SPAG16: variants seen among roughly 807,000 people sequenced by gnomAD.
SPAG16 encodes sperm associated antigen 16.
In SPAG16, 86 loss-of-function variants were observed where a neutral mutation model predicts 80.4. The observed-to-expected ratio is 1.07, with a 90% CI of 0.90 to 1.28. The LOEUF (loss-of-function observed/expected upper bound fraction) is 1.28, where lower values mean the gene tolerates loss of function less well. Among genes scored for constraint, SPAG16 ranks in the 50% most tolerant of loss-of-function variants. The pLI is 0.00. For missense variants in SPAG16, 870 were observed against 765.3 expected (o/e 1.14, Z -1.61); for synonymous variants, 294 against 265.9 (o/e 1.11, Z -1.03).
intron 10 of SPAG16, among the ~76,000 whole-genome samples, chr2:213,755,337 A>T (rs564342224): frequency 6.6e-6 from 1 of 152,354 alleles, no homozygotes; most frequent in East Asian, 1.9e-4. Context: ...GTTTTGACTG[A>T]TATCATGTTA....
intron 9 of SPAG16, among the ~76,000 whole-genome samples, chr2:213,460,132 T>C (rs971558272): frequency 1.3e-5 from 2 of 152,246 alleles, no homozygotes; most frequent in African/African-American, 4.8e-5. Flanking sequence ...TCCATTCCTG[T>C]CTACATCTAC....
At chr2:213,755,542 G>T (rs971654770) in intron 10 of SPAG16, among the ~76,000 whole-genome samples, 9 of 152,062 alleles carry the variant, frequency 5.9e-5, no homozygotes, top group Non-Finnish European at 1.3e-4. Flanking sequence ...CACTTTTTTT[G>T]TGAAAGATAA....
intron 12 of SPAG16, among the ~76,000 whole-genome samples, chr2:213,987,921 G>A (rs965263246): frequency 6.7e-6 from 1 of 149,552 alleles, no homozygotes; most frequent in African/African-American, 2.4e-5. Context: ...TTATAAAATA[G>A]ATAAAATGTA....
chr2:214,395,469 C>A (rs1443124205), intron 15 of SPAG16, among the ~76,000 whole-genome samples: 1 of 152,136 alleles, frequency 6.6e-6, no homozygotes, highest in Non-Finnish European at 1.5e-5. Context: ...TATGCTTATT[C>A]ACCATCTGTC....
intron 15 of SPAG16, among the ~76,000 whole-genome samples, chr2:214,344,008 A>G (rs1354873196): frequency 6.6e-6 from 1 of 152,162 alleles, no homozygotes; most frequent in Non-Finnish European, 1.5e-5. Flanking sequence ...TCTTACCTTA[A>G]TAATGATGGG....
intron 9 of SPAG16, among the ~76,000 whole-genome samples, chr2:213,473,641 C>T (rs1453102377): frequency 6.6e-6 from 1 of 152,116 alleles, no homozygotes; most frequent in Non-Finnish European, 1.5e-5. Flanking sequence ...ACTACTAGAA[C>T]CTTTTTTACT....
At chr2:214,147,545 T>C (rs554019672) in intron 14 of SPAG16, among the ~76,000 whole-genome samples, 26 of 152,342 alleles carry the variant, frequency 1.7e-4, no homozygotes, top group African/African-American at 6.2e-4. Context: ...TCTCAGATCA[T>C]TGAAAGCCCT....
intron 1 of SPAG16, among the ~76,000 whole-genome samples, chr2:213,289,470 T>TA (rs2062186028): frequency 6.6e-6 from 1 of 152,236 alleles, no homozygotes; most frequent in East Asian, 1.9e-4. Flanking sequence ...GTATAGGATA[T>TA]TAATAAGAAT....
chr2:213,991,354 A>C (rs1475356762), intron 12 of SPAG16, among the ~76,000 whole-genome samples: 1 of 152,146 alleles, frequency 6.6e-6, no homozygotes, highest in African/African-American at 2.4e-5. Context: ...ATGGCTGCAT[A>C]GTACTCCATG....
At chr2:214,251,476 A>T (rs188735523) in intron 15 of SPAG16, among the ~76,000 whole-genome samples, 4 of 152,234 alleles carry the variant, frequency 2.6e-5, no homozygotes, top group Admixed American at 2.6e-4. Flanking sequence ...AGTAATAAAA[A>T]TTATCAATAA....
At position 214,410,387 on chromosome 2, in the gene SPAG16, C is replaced by G. The variant is rs1207763889; in HGVS notation, c.*72C>G. Reference sequence around the variant, plus strand: ...AATGCCTCCTGTAGTCCCAAACCAGCAAAGAACTGGTTAAATGTGCCAGCA... The same window carrying G: ...AATGCCTCCTGTAGTCCCAAACCAGGAAAGAACTGGTTAAATGTGCCAGCA... On this transcript the variant is annotated 3_prime_UTR_variant, in exon 16 of 16. Transcript: ENST00000331683. The G allele has an allele frequency of 7.1e-7, 1 of 1,399,136 alleles. No individual in the cohort carries two copies. Among genetic ancestry groups the G allele is most frequent in the Non-Finnish European group, 9.8e-7 (1 of 1,025,300 alleles). The allele number at this position is 1,399,136 out of a possible 1,614,324, so 86.7% of individuals were successfully genotyped here.
At chr2:213,587,929 A>G (rs2060527172) in intron 10 of SPAG16, among the ~76,000 whole-genome samples, 2 of 152,220 alleles carry the variant, frequency 1.3e-5, no homozygotes, top group African/African-American at 2.4e-5. Context: ...TCTTTGGGTC[A>G]TATGCCCCTT....
chr2:213,387,386 TG>T (rs1294890651), intron 9 of SPAG16, among the ~76,000 whole-genome samples: 1 of 142,470 alleles, frequency 7.0e-6, no homozygotes, highest in African/African-American at 2.8e-5. Context: ...ATCCTTTTTT[TG>T]CCCAAATTCT....
At chr2:213,851,192 G>C (rs1171820515) in intron 10 of SPAG16, among the ~76,000 whole-genome samples, 1 of 152,188 alleles carries the variant, frequency 6.6e-6, no homozygotes, top group Non-Finnish European at 1.5e-5. Flanking sequence ...TTGATACGAT[G>C]TTTAAAAAGA....
intron 10 of SPAG16, among the ~76,000 whole-genome samples, chr2:213,858,899 C>G (rs892278656): frequency 6.6e-6 from 1 of 151,570 alleles, no homozygotes; most frequent in Non-Finnish European, 1.5e-5. Context: ...ATAAAAAGTC[C>G]GCCAGGTGCA....
intron 10 of SPAG16, among the ~76,000 whole-genome samples, chr2:213,542,895 A>C (rs1288746278): frequency 1.3e-5 from 2 of 152,118 alleles, no homozygotes; most frequent in Admixed American, 1.3e-4. Context: ...AATTAAAATG[A>C]ATCAATGGAA....
rs78036959 is a variant in SPAG16, at chr2:213,985,937, G to A, written c.1401-28014G>A. Reference sequence around the variant, plus strand: ...TGAATTTGCTATATTCTATGTCATGGATACTGATAAATCCAATTGACAACT... The same window carrying A: ...TGAATTTGCTATATTCTATGTCATGAATACTGATAAATCCAATTGACAACT... On this transcript the variant is annotated intron_variant, in intron 12 of 15. Transcript: ENST00000331683. 9.0e-3 allele frequency among the ~76,000 whole-genome samples: 1,364 copies of A among 152,094 alleles called. 35 individuals are homozygous for A. Among genetic ancestry groups the A allele is most frequent in the East Asian group, 0.084 (433 of 5,164 alleles).
chr2:213,786,532 G>T (rs1158134262), intron 10 of SPAG16, among the ~76,000 whole-genome samples: 1 of 152,094 alleles, frequency 6.6e-6, no homozygotes, highest in Non-Finnish European at 1.5e-5. Context: ...ATAATTATTT[G>T]CTATCATTTA....
intron 10 of SPAG16, among the ~76,000 whole-genome samples, chr2:213,686,742 A>G (rs375105155): frequency 5.3e-4 from 61 of 114,876 alleles, no homozygotes; most frequent in African/African-American, 2.0e-3. Context: ...GCTGGAGTGT[A>G]GTGGTGCCGT....
Sources: gnomAD v4.1 joint callset for allele counts (sites outside exome capture counted in the v4.1 genomes callset) on GRCh38, gnomAD v4.1.1 for gene constraint, MANE v1.5 for transcripts, NCBI Gene and HGNC (gene_info 2026-07-23, HGNC 2026-07-21) for gene names.